Variants in RXYLT1 observed in about 807,000 individuals in gnomAD.
The protein encoded by RXYLT1 is ribitol-5-phosphate xylosyltransferase 1.
RXYLT1 carries 41 observed loss-of-function variants against 43.5 expected under a neutral mutation model. The observed-to-expected ratio is 0.94, with a 90% CI of 0.73 to 1.22. The LOEUF (loss-of-function observed/expected upper bound fraction) is 1.22. Among genes scored for constraint, RXYLT1 ranks in the 50% most tolerant of loss-of-function variants. The pLI is 0.00. For missense variants in RXYLT1, 514 were observed against 532.0 expected (o/e 0.97, Z 0.33); for synonymous variants, 166 against 194.4 (o/e 0.85, Z 1.21).
At chr12:63,796,351 A>C (rs1388109293) in intron 3 of RXYLT1, among the ~76,000 whole-genome samples, 2 of 152,182 alleles carry the variant, frequency 1.3e-5, no homozygotes, top group African/African-American at 2.4e-5. Flanking sequence ...CACTTGGCTA[A>C]GGTGCAGTCT....
chr12:63,799,283 T>C lies in RXYLT1; in HGVS notation c.429-2808T>C, dbSNP rs115793645. Among the ~76,000 whole-genome samples the C allele has an allele frequency of 6.5e-3, 974 of 149,948 alleles. 11 individuals carry two copies. The highest frequency in any genetic ancestry group is 0.022 in the African/African-American group (890 of 40,924). On this transcript the variant is annotated intron_variant, in intron 3 of 5. Coordinates refer to ENST00000261234, the MANE Select transcript of RXYLT1 (RefSeq NM_014254.3). ...TTTTAATACATTGACTAAAACCTAC[T>C]TTGTTTTTCTTTTCTTTTCTTTTTT...
At chr12:63,789,553 G>A (rs1897877945) in intron 3 of RXYLT1, among the ~76,000 whole-genome samples, 1 of 152,114 alleles carries the variant, frequency 6.6e-6, no homozygotes, top group Admixed American at 6.5e-5. Flanking sequence ...AGAATTGCTT[G>A]ACTGGGGATC....
At chr12:63,807,222 A>G (rs1898316697) in intron 5 of RXYLT1, 1 of 152,054 alleles carries the variant, frequency 6.6e-6, no homozygotes, top group Non-Finnish European at 1.5e-5. Flanking sequence ...TCTTCACCTA[A>G]CTTAAATTTC....
Position 63,780,920 on chromosome 12 carries a change from T to C in RXYLT1, c.170-99T>C, listed in dbSNP as rs1392866609. The C allele has an allele frequency of 5.7e-6, 6 of 1,053,742 alleles. No homozygotes were observed. In the East Asian group the frequency reaches 1.7e-4, roughly 30 times the overall value. 65.3% of individuals were successfully genotyped at this position (1,053,742 alleles called of 1,614,324 possible). On this transcript the variant is annotated intron_variant, in intron 1 of 5. Transcript: ENST00000261234. Reference sequence around the variant, plus strand: ...TTGCTGTACCTCTCAGAAATTAAAGTTAGGATGAAATTAGAACTAACACTT... The same window carrying C: ...TTGCTGTACCTCTCAGAAATTAAAGCTAGGATGAAATTAGAACTAACACTT...
At chr12:63,805,441 C>A in intron 5 of RXYLT1, 37 bp downstream of exon 5, 1 of 1,526,138 alleles carries the variant, frequency 6.6e-7, no homozygotes, top group Non-Finnish European at 8.8e-7. Context: ...TCATTTTGTT[C>A]TCCAGTCTGA....
chr12:63,785,146 G>A, intron 3 of RXYLT1, 74 bp downstream of exon 3: 1 of 935,160 alleles, frequency 1.1e-6, no homozygotes, highest in Non-Finnish European at 1.6e-6. Context: ...AATACTAAAA[G>A]AAAAATAATA....
chr12:63,783,416 A>T (rs915136923), intron 2 of RXYLT1, among the ~76,000 whole-genome samples: 3 of 152,036 alleles, frequency 2.0e-5, no homozygotes, highest in African/African-American at 7.2e-5. Context: ...AGCCGAGATC[A>T]TGCCACCTTA....
chr12:63,780,458 G>A, intron 1 of RXYLT1: 2 of 1,163,934 alleles, frequency 1.7e-6, no homozygotes, highest in Non-Finnish European at 2.1e-6. Context: ...CAAAATCGCC[G>A]CAAGGTTTAA....
intron 1 of RXYLT1, among the ~76,000 whole-genome samples, chr12:63,780,699 AAAT>A (rs1897661170): frequency 2.0e-5 from 3 of 152,246 alleles, no homozygotes. Flanking sequence ...CAATGGATAA[AAAT>A]AATTGCAAAA....
In RXYLT1 at chr12:63,780,121, G is replaced by A. The variant is rs1444951868; in HGVS notation, c.161G>A (p.Arg54His). 1 of 1,520,936 alleles carries A rather than the reference G, an allele frequency of 6.6e-7. No homozygotes were observed. The highest frequency in any genetic ancestry group is 8.8e-7 in the Non-Finnish European group (1 of 1,140,972). 94.2% of individuals were successfully genotyped at this position (1,520,936 alleles called of 1,614,324 possible). Residue 54 changes from arginine to histidine, a missense_variant, in exon 1 of 6, where the codon CGC becomes CAC. By Grantham distance (29) the Arg-to-His change is conservative. Coordinates refer to ENST00000261234, the MANE Select transcript of RXYLT1 (RefSeq NM_014254.3). ...GGGGCGGCCCCCGCGCGGGAGAGAC[G>A]CGGCCGAGGTAGGACTGGGTCGGCG... is the stretch of plus-strand genomic sequence containing the variant. ...RKGAAPARER[R>H]GREQSTLESE...
chr12:63,801,788 C>T (rs1359613080), intron 3 of RXYLT1, among the ~76,000 whole-genome samples: 2 of 151,912 alleles, frequency 1.3e-5, no homozygotes, highest in African/African-American at 4.8e-5. Flanking sequence ...CACCACTGCA[C>T]TCCAGCCTGG....
chr12:63,799,862 A>G (rs902504225), intron 3 of RXYLT1, among the ~76,000 whole-genome samples: 2 of 152,152 alleles, frequency 1.3e-5, no homozygotes, highest in African/African-American at 4.8e-5. Context: ...CCAATAATAA[A>G]TATTTTAAAC....
chr12:63,782,101 T>G (rs1375407738), intron 2 of RXYLT1, among the ~76,000 whole-genome samples: 1 of 152,212 alleles, frequency 6.6e-6, no homozygotes, highest in Non-Finnish European at 1.5e-5. Context: ...TTCTCTCTTT[T>G]CAATCTGATA....
intron 3 of RXYLT1, among the ~76,000 whole-genome samples, chr12:63,796,094 T>C (rs1307643740): frequency 6.6e-6 from 1 of 152,170 alleles, no homozygotes; most frequent in African/African-American, 2.4e-5. Context: ...AATCACACGG[T>C]GTGCTTGGTT....
intron 3 of RXYLT1, among the ~76,000 whole-genome samples, chr12:63,796,617 G>A (rs895581112): frequency 6.6e-6 from 1 of 152,148 alleles, no homozygotes; most frequent in East Asian, 1.9e-4. Context: ...GGAGTAAAAT[G>A]TTTAGTAGTC....
rs538331803 is a variant in RXYLT1, at chr12:63,784,973, T to G, written c.329T>G (p.Leu110Trp). The change falls in exon 3 of 6, where the codon TTG becomes TGG. Residue 110 changes from leucine (L) to tryptophan (W), a missense_variant. Transcript: ENST00000261234. The stretch of plus-strand genomic sequence containing the variant: ...TGTTTTTGTTGTTAATTACCAGGCT[T>G]GTATCTCTGGGAGCATATTTTTGAA... Reference protein sequence around the residue: ...VQIWGKAAIGLYLWEHIFEGL... With the variant: ...VQIWGKAAIGWYLWEHIFEGL... The G allele has an allele frequency of 3.1e-6, 5 of 1,613,338 alleles. No individual in the cohort carries two copies. The highest frequency in any genetic ancestry group is 1.3e-5 in the African/African-American group (1 of 75,030).
intron 3 of RXYLT1, among the ~76,000 whole-genome samples, chr12:63,801,834 CAAAA>C (rs1028802158): frequency 6.6e-6 from 1 of 151,298 alleles, no homozygotes; most frequent in African/African-American, 2.4e-5. Context: ...AAAAAAAAAA[CAAAA>C]AAACACAAAA....
intron 5 of RXYLT1, 168 bp from the exon 6 acceptor site, chr12:63,808,507 T>C: frequency 1.5e-6 from 1 of 676,574 alleles, no homozygotes; most frequent in South Asian, 2.3e-5. Flanking sequence ...TTCTTCAACA[T>C]TTTTAAGAAA....
Position 63,779,938 on chromosome 12 carries a change from G to T in RXYLT1, c.-23G>T, listed in dbSNP as rs1319433602. ...TTCCGCCCGCTCCATGGCGGTGGAT[G>T]CCTGACTGGAAGCCCGAGTGGGATG... On this transcript the variant is annotated 5_prime_UTR_variant, in exon 1 of 6. The change abolishes an upstream ATG in the 5' untranslated region. Coordinates refer to ENST00000261234, the MANE Select transcript of RXYLT1 (RefSeq NM_014254.3). 1.9e-6 allele frequency: 3 copies of T among 1,609,508 alleles called. No individual in the cohort carries two copies. The South Asian group carries it at 3.3e-5, about 18-fold the overall frequency.
Sources: gnomAD v4.1 joint callset for allele counts (sites outside exome capture counted in the v4.1 genomes callset) on GRCh38, gnomAD v4.1.1 for gene constraint, MANE v1.5 for transcripts, NCBI Gene and HGNC (gene_info 2026-07-23, HGNC 2026-07-21) for gene names.